The following FAM193A variants were observed in gnomAD, a reference collection of about 807,000 sequenced individuals.
FAM193A encodes the protein family with sequence similarity 193 member A, also known as protein FAM193A.
FAM193A carries 22 observed loss-of-function variants against 126.5 expected under a neutral mutation model. The ratio of observed to expected loss-of-function variants is 0.17; its 90% CI spans 0.12 to 0.25. FAM193A has a LOEUF of 0.25. FAM193A is among the 10% of genes least tolerant of loss of function. The pLI is 1.00. For synonymous variants in FAM193A, 761 were observed against 646.8 expected (o/e 1.18, Z -2.68); for missense variants, 1,675 against 1,672.8 (o/e 1.00, Z -0.02).
At chr4:2,563,470 C>T (rs142403857) in intron 1 of FAM193A, among the ~76,000 whole-genome samples, 127 of 149,534 alleles carry the variant, frequency 8.5e-4, no homozygotes, top group African/African-American at 2.9e-3. Context: ...TTTGGGAGGC[C>T]GAGGTGGGAG....
rs746019911 is a variant in FAM193A, at chr4:2,639,811, C to T, written c.1115C>T (p.Ser372Leu). ...CACCTGTTTGAAAATCTGGTCTTTT[C>T]GGAGCCACTTCTTCAGAGCAACTTG... The part of the protein sequence containing the change: ...NKHLFENLVF[S>L]EPLLQSNLPA... The change falls in exon 6 of 21, where the codon TCG (serine) becomes TTG (leucine). Residue 372 changes from serine to leucine, a missense_variant. By Grantham distance (145) the Ser-to-Leu change is moderately radical (BLOSUM62 -2). Transcript: ENST00000637812. The T allele has an allele frequency of 6.2e-6, 10 of 1,614,052 alleles. 1 individual carries two copies. The highest frequency in any genetic ancestry group is 3.3e-5 in the Admixed American group (2 of 60,008).
At chr4:2,561,379 C>T (rs1403300347) in intron 1 of FAM193A, among the ~76,000 whole-genome samples, 1 of 151,942 alleles carries the variant, frequency 6.6e-6, no homozygotes, top group Non-Finnish European at 1.5e-5. Flanking sequence ...GACAGAGTTT[C>T]ACCATGTTGG....
At chr4:2,575,280 A>G (rs542017706) in intron 1 of FAM193A, among the ~76,000 whole-genome samples, 3 of 152,150 alleles carry the variant, frequency 2.0e-5, no homozygotes, top group Non-Finnish European at 4.4e-5. Flanking sequence ...AGTGTGGTAC[A>G]CCAGGGACTT....
At chr4:2,574,790 AAC>A (rs1739491717) in intron 1 of FAM193A, among the ~76,000 whole-genome samples, 1 of 152,244 alleles carries the variant, frequency 6.6e-6, no homozygotes, top group Non-Finnish European at 1.5e-5. Flanking sequence ...ATTAAAAAGA[AAC>A]ATTTAAAAAT....
chr4:2,626,887 G>T (rs528491778), intron 4 of FAM193A, among the ~76,000 whole-genome samples: 13 of 152,324 alleles, frequency 8.5e-5, no homozygotes, highest in African/African-American at 3.1e-4. Context: ...CAGGGATGAT[G>T]CAGAGTACTT....
chr4:2,688,459 A>G (rs1233494089), intron 13 of FAM193A, among the ~76,000 whole-genome samples: 2 of 151,990 alleles, frequency 1.3e-5, no homozygotes, highest in Non-Finnish European at 2.9e-5. Flanking sequence ...TGCACATTCT[A>G]GAGCATGGAC....
At chr4:2,684,035 C>T (rs553667105) in intron 13 of FAM193A, among the ~76,000 whole-genome samples, 17 of 152,314 alleles carry the variant, frequency 1.1e-4, no homozygotes, top group East Asian at 3.9e-4. Flanking sequence ...TCTGCTCACA[C>T]GGCCCCCTTG....
At chr4:2,629,443 A>G (rs1371535165) in intron 4 of FAM193A, among the ~76,000 whole-genome samples, 5 of 152,238 alleles carry the variant, frequency 3.3e-5, no homozygotes, top group Non-Finnish European at 5.9e-5. Context: ...ACTAACCATA[A>G]TAGGAATCCC....
chr4:2,641,928 C>G lies in FAM193A; in HGVS notation c.1163+2069C>G, dbSNP rs533590894. Among the ~76,000 whole-genome samples the G allele has an allele frequency of 6.6e-5, 10 of 150,380 alleles. No individual in the cohort carries two copies. In the South Asian group the frequency reaches 2.1e-3, roughly 32 times the overall value. On this transcript the variant is annotated intron_variant, in intron 6 of 20. Transcript: ENST00000637812. ...AGACCAGACTGGGTAACAGCGAGAC[C>G]CCATCTCTTAAAAAAGAAAAAAAAA...
intron 1 of FAM193A, among the ~76,000 whole-genome samples, chr4:2,567,087 C>A (rs1739009898): frequency 2.0e-5 from 3 of 151,896 alleles, no homozygotes; most frequent in African/African-American, 7.2e-5. Flanking sequence ...CTACAGGCGC[C>A]CGCCACCATG....
intron 1 of FAM193A, among the ~76,000 whole-genome samples, chr4:2,546,053 CAGG>C (rs1159880972): frequency 6.6e-6 from 1 of 151,800 alleles, no homozygotes; most frequent in African/African-American, 2.4e-5. Context: ...GAGGCTGAGG[CAGG>C]AGAATTGCTT....
chr4:2,566,273 T>G (rs1189519785), intron 1 of FAM193A, among the ~76,000 whole-genome samples: 1 of 152,162 alleles, frequency 6.6e-6, no homozygotes, highest in Non-Finnish European at 1.5e-5. Flanking sequence ...GGTCTCGATC[T>G]TCTGACCTCG....
chr4:2,590,006 A>C (rs1339554863), intron 1 of FAM193A, among the ~76,000 whole-genome samples: 2 of 151,896 alleles, frequency 1.3e-5, no homozygotes, highest in Non-Finnish European at 2.9e-5. Context: ...ATGGTGGCGC[A>C]GGCATGTAAT....
Position 2,631,136 on chromosome 4 carries a change from C to A in FAM193A, c.1005C>A (p.Ala335=). The change falls in exon 5 of 21, where the codon GCC becomes GCA. Residue 335 remains alanine (A), a synonymous_variant. Transcript: ENST00000637812. ...LLEEYGALCQ[A]ARSISTFLGT... is the part of the protein sequence containing the mutation. Reference sequence around the variant, plus strand: ...AGGAGTACGGCGCCCTCTGCCAGGCCGCACGCTCCATCAGCACCTTCCTTG... The same window carrying A: ...AGGAGTACGGCGCCCTCTGCCAGGCAGCACGCTCCATCAGCACCTTCCTTG... 6.2e-7 allele frequency: 1 copy of A among 1,612,850 alleles called. No individual in the cohort carries two copies. Among genetic ancestry groups the A allele is most frequent in the Non-Finnish European group, 8.5e-7 (1 of 1,179,524 alleles).
At chr4:2,660,449 A>G (rs1176923671) in intron 10 of FAM193A, among the ~76,000 whole-genome samples, 2 of 152,130 alleles carry the variant, frequency 1.3e-5, no homozygotes, top group East Asian at 3.8e-4. Flanking sequence ...TTTAGCAAGC[A>G]GTTGAAGGTT....
At chr4:2,627,574 G>GTTTTTT (rs1743097947) in intron 4 of FAM193A, among the ~76,000 whole-genome samples, 4 of 125,692 alleles carry the variant, frequency 3.2e-5, no homozygotes, top group African/African-American at 1.3e-4. Flanking sequence ...CATTTGGGAG[G>GTTTTTT]CTTTTTTTTT....
chr4:2,537,046 C>A lies in FAM193A; in HGVS notation c.131C>A (p.Ser44Tyr), dbSNP rs1472654963. The change falls in exon 1 of 21, where the codon TCC (serine) becomes TAC (tyrosine). Residue 44 changes from serine to tyrosine, a missense_variant. By Grantham distance (144) the Ser-to-Tyr change is moderately radical. Transcript: ENST00000637812. ...GGCCCGGCGGCGGCGCTGCGCGGTT[C>A]CCAGGCCGCGGGCCTGGCGGCCCCG... Reference protein sequence around the residue: ...KAGPAAALRGSQAAGLAAPGS... With the variant: ...KAGPAAALRGYQAAGLAAPGS... 6.8e-6 allele frequency: 1 copy of A among 146,966 alleles called. No individual in the cohort carries two copies. Among genetic ancestry groups the A allele is most frequent in the South Asian group, 1.8e-4 (1 of 5,602 alleles). The allele number at this position is 146,966 out of a possible 1,614,324, so 9.1% of individuals were successfully genotyped here. A position where few individuals can be genotyped will look rare whatever the true frequency, so the allele number is the denominator to read the frequency against.
Position 2,700,062 on chromosome 4 carries a change from C to T in FAM193A, c.3890C>T (p.Ala1297Val). The change falls in exon 19 of 21, where the codon GCA (alanine) becomes GTA (valine). Residue 1297 changes from alanine (A) to valine (V), a missense_variant. Around this residue, in one of 4 missense-constraint regions of FAM193A, gnomAD observed 415 missense variants for 396.7 expected, o/e 1.05. Transcript: ENST00000637812. ...GGGCTAGGGGCTGATGGGGATGCTG[C>T]AGACCCCGTCGACACCAGAGACTCC... ...RPGLGADGDA[A>V]DPVDTRDSKF... 1.9e-6 allele frequency: 3 copies of T among 1,613,954 alleles called. No homozygotes were observed. Among genetic ancestry groups the T allele is most frequent in the South Asian group, 1.1e-5 (1 of 91,064 alleles).
intron 12 of FAM193A, among the ~76,000 whole-genome samples, chr4:2,667,570 T>C (rs1320509968): frequency 6.6e-6 from 1 of 152,244 alleles, no homozygotes; most frequent in East Asian, 1.9e-4. Flanking sequence ...GTTTGACTAC[T>C]GGTGTTTCTT....
Sources: gnomAD v4.1 joint callset for allele counts (sites outside exome capture counted in the v4.1 genomes callset) on GRCh38, gnomAD v4.1.1 for gene constraint, gnomAD v4.1.1 regional missense constraint, MANE v1.5 for transcripts, NCBI Gene and HGNC (gene_info 2026-07-23, HGNC 2026-07-21) for gene names.